Variants in SERINC5 observed in about 807,000 individuals in gnomAD.
SERINC5 encodes the protein chromosome 5 open reading frame 12.
A neutral mutation model predicts 63.1 loss-of-function variants in SERINC5; 41 were observed. That is an observed-to-expected ratio of 0.65 (90% CI 0.51 to 0.84). SERINC5 has a LOEUF of 0.84. Ranked by LOEUF, SERINC5 falls within the 40% of genes least tolerant of loss-of-function variation. SERINC5 has a pLI of 0.00. For missense variants in SERINC5, 523 were observed against 573.0 expected (o/e 0.91, Z 0.89); for synonymous variants, 222 against 215.2 (o/e 1.03, Z -0.28).
rs534875623 is a variant in SERINC5, at chr5:80,233,359, G to A, written c.27+22537C>T. On this transcript the variant is annotated intron_variant, in intron 1 of 11. Transcript: ENST00000507668. ...GGAGAATCACTTGAACCCGGGAGGCGGAGGTTGCGGTGAGCTGAGATCGCA... is the reference window on the plus strand; with the variant it reads ...GGAGAATCACTTGAACCCGGGAGGCAGAGGTTGCGGTGAGCTGAGATCGCA... Among the ~76,000 whole-genome samples, 5 of 152,210 alleles carry A rather than the reference G, an allele frequency of 3.3e-5. No individual in the cohort carries two copies. In the South Asian group the frequency reaches 6.2e-4, roughly 19 times the overall value.
At chr5:80,198,667 C>G (rs983385603) in intron 2 of SERINC5, 171 of 985,428 alleles carry the variant, frequency 1.7e-4, no homozygotes, top group Non-Finnish European at 2.0e-4. Context: ...GTGTGCGTCC[C>G]TACAAGGGGA....
chr5:80,239,667 C>T (rs1162515207), intron 1 of SERINC5, among the ~76,000 whole-genome samples: 4 of 152,062 alleles, frequency 2.6e-5, no homozygotes, highest in African/African-American at 7.2e-5. Context: ...AGACCATGCC[C>T]ACCTTCCACT....
rs544748810 is a variant in SERINC5, at chr5:80,112,538, G to C, written c.*30-836C>G. Among the ~76,000 whole-genome samples, 108 of 152,250 alleles carry C rather than the reference G, an allele frequency of 7.1e-4. No individual in the cohort carries two copies. In the South Asian group the frequency reaches 1.0e-2, roughly 14 times the overall value. The stretch of plus-strand genomic sequence containing the variant: ...TCCTCCGTATGCTGAGCGCCAGTCT[G>C]CTGGGCCCACTGTTCTTTCTCTATA... On this transcript the variant is annotated intron_variant, in intron 12 of 12. Coordinates refer to the SERINC5 transcript ENST00000509193.
In SERINC5 at chr5:80,143,098, G is replaced by A; in HGVS notation, c.*565C>T. 2.0e-6 allele frequency: 2 copies of A among 985,340 alleles called. No individual in the cohort carries two copies. The highest frequency in any genetic ancestry group is 2.4e-6 in the Non-Finnish European group (2 of 829,954). 61.0% of individuals were successfully genotyped at this position (985,340 alleles called of 1,614,324 possible). A position where few individuals can be genotyped will look rare whatever the true frequency, so the allele number is the denominator to read the frequency against. On this transcript the variant is annotated 3_prime_UTR_variant, in exon 12 of 12. Coordinates refer to ENST00000507668, the MANE Select transcript of SERINC5 (RefSeq NM_001174072.3). The stretch of plus-strand genomic sequence containing the variant: ...CACAACCTCAAAGGGAAACGTTTAG[G>A]GGCCGTGAAGAGGCAGCACTGAGGG...
At chr5:80,245,476 AG>A (rs1752128784) in intron 1 of SERINC5, among the ~76,000 whole-genome samples, 2 of 152,230 alleles carry the variant, frequency 1.3e-5, no homozygotes, top group Non-Finnish European at 2.9e-5. Context: ...CAGTCTGTGA[AG>A]AAGCACTGGC....
At chr5:80,229,426 A>C (rs943101657) in intron 1 of SERINC5, among the ~76,000 whole-genome samples, 12 of 151,454 alleles carry the variant, frequency 7.9e-5, no homozygotes, top group Non-Finnish European at 1.6e-4. Flanking sequence ...TTTGCAACCA[A>C]CCTTTAAAGT....
At chr5:80,194,091 G>C (rs7725399) in intron 2 of SERINC5, among the ~76,000 whole-genome samples, 6,433 of 152,162 alleles carry the variant, frequency 0.042, 469 homozygotes, top group African/African-American at 0.15. Flanking sequence ...GACACATAAG[G>C]TACAACAGTA....
intron 2 of SERINC5, among the ~76,000 whole-genome samples, chr5:80,184,370 T>C (rs1748673176): frequency 6.6e-6 from 1 of 152,268 alleles, no homozygotes; most frequent in South Asian, 2.1e-4. Flanking sequence ...TCTGCCTCCC[T>C]ACCTCTTTTT....
intron 8 of SERINC5, among the ~76,000 whole-genome samples, chr5:80,154,929 G>C (rs1179327979): frequency 1.3e-5 from 2 of 152,040 alleles, no homozygotes; most frequent in Admixed American, 6.6e-5. Context: ...CTCCCTCAGG[G>C]GACATTACAC....
rs117407298 is a variant in SERINC5 at position 80,141,346 on chromosome 5, C to G, written c.*2317G>C. 1.0e-6 allele frequency: 1 copy of G among 985,418 alleles called. No individual in the cohort carries two copies. The highest frequency in any genetic ancestry group is 1.2e-6 in the Non-Finnish European group (1 of 829,932). The allele number at this position is 985,418 out of a possible 1,614,324, so 61.0% of individuals were successfully genotyped here. On this transcript the variant is annotated 3_prime_UTR_variant, in exon 12 of 12. Transcript: ENST00000507668. ...GAAGGAAGCGACGAGGGCCTTCTAC[C>G]GGCCACACTCCCTTGCTTGGGCTTC...
intron 1 of SERINC5, among the ~76,000 whole-genome samples, chr5:80,234,344 C>T (rs1475845271): frequency 6.6e-6 from 1 of 152,156 alleles, no homozygotes; most frequent in Non-Finnish European, 1.5e-5. Context: ...CCTCACTACA[C>T]TTAAGAAAAA....
At chr5:80,170,493 A>G (rs2112388377) in intron 5 of SERINC5, among the ~76,000 whole-genome samples, 1 of 152,332 alleles carries the variant, frequency 6.6e-6, no homozygotes, top group African/African-American at 2.4e-5. Flanking sequence ...GGGAGACAGC[A>G]GTGTCACATG....
chr5:80,182,276 A>G (rs906304584), intron 2 of SERINC5, among the ~76,000 whole-genome samples: 1 of 152,292 alleles, frequency 6.6e-6, no homozygotes, highest in South Asian at 2.1e-4. Context: ...AAACCAAGAT[A>G]TGCCACCCTA....
chr5:80,202,346 C>T (rs1321474345), intron 2 of SERINC5, among the ~76,000 whole-genome samples: 5 of 152,038 alleles, frequency 3.3e-5, no homozygotes, highest in Admixed American at 6.6e-5. Context: ...ATAAACAATG[C>T]TAAGATAAAA....
chr5:80,252,066 T>C (rs1752452361), intron 1 of SERINC5, among the ~76,000 whole-genome samples: 1 of 143,852 alleles, frequency 7.0e-6, no homozygotes, highest in South Asian at 2.3e-4. Context: ...TCCTTTTTTT[T>C]TTTTTTTTTT....
Position 80,140,763 on chromosome 5 carries a change from A to C in SERINC5, c.*2900T>G, listed in dbSNP as rs550347296. 6 of 985,322 alleles carry C rather than the reference A, an allele frequency of 6.1e-6. No homozygotes were observed. Among genetic ancestry groups the C allele is most frequent in the Non-Finnish European group, 6.0e-6 (5 of 829,890 alleles). 61.0% of individuals were successfully genotyped at this position (985,322 alleles called of 1,614,324 possible). A position where few individuals can be genotyped will look rare whatever the true frequency, so the allele number is the denominator to read the frequency against. ...ACCCACTTAGTGTTTTTACTCATAA[A>C]AATGAGGGGAAAACTTTTCTACATC... On this transcript the variant is annotated 3_prime_UTR_variant, in exon 12 of 12. Coordinates refer to ENST00000507668, the MANE Select transcript of SERINC5 (RefSeq NM_001174072.3).
intron 2 of SERINC5, 58 bp downstream of exon 2, chr5:80,202,828 T>C: frequency 1.3e-6 from 2 of 1,525,236 alleles, no homozygotes; most frequent in Non-Finnish European, 1.8e-6. Flanking sequence ...ATCATGTTTT[T>C]CCCACACACC....
intron 8 of SERINC5, among the ~76,000 whole-genome samples, chr5:80,153,195 C>T (rs1580071959): frequency 1.3e-5 from 2 of 152,224 alleles, no homozygotes; most frequent in South Asian, 4.2e-4. Flanking sequence ...TGGTGGCTCA[C>T]ATCTGTAATC....
chr5:80,241,636 G>A (rs1211338964), intron 1 of SERINC5, among the ~76,000 whole-genome samples: 1 of 151,918 alleles, frequency 6.6e-6, no homozygotes, highest in Non-Finnish European at 1.5e-5. Context: ...AGGAGTTTGA[G>A]GCTGCAGTGA....
Sources: gnomAD v4.1 joint callset for allele counts (sites outside exome capture counted in the v4.1 genomes callset) on GRCh38, gnomAD v4.1.1 for gene constraint, MANE v1.5 for transcripts, NCBI Gene and HGNC (gene_info 2026-07-23, HGNC 2026-07-21) for gene names.